The following TBC1D9 variants were observed in gnomAD, a reference collection of about 807,000 sequenced individuals.
The protein encoded by TBC1D9 is TBC1 domain family member 9.
In TBC1D9, 63 loss-of-function variants were observed where a neutral mutation model predicts 132.0. That is an observed-to-expected ratio of 0.48 (90% confidence interval 0.39 to 0.59). TBC1D9 has a LOEUF of 0.59. Among genes scored for constraint, TBC1D9 ranks in the 20% least tolerant of loss-of-function variants. TBC1D9 has a pLI of 0.00. For synonymous variants in TBC1D9, 610 were observed against 609.9 expected, an observed-to-expected ratio of 1.00 and a Z score of 0.00; for missense variants, 1,261 against 1,592.7, an observed-to-expected ratio of 0.79 and a Z score of 3.54.
intron 13 of TBC1D9, among the ~76,000 whole-genome samples, chr4:140,651,970 G>C (rs1737193282): frequency 6.6e-6 from 1 of 152,152 alleles, no homozygotes; most frequent in Non-Finnish European, 1.5e-5. Context: ...TGGGCACGGT[G>C]GCTTAAGCCT....
chr4:140,643,067 G>T, intron 13 of TBC1D9: 1 of 1,312,180 alleles, frequency 7.6e-7, no homozygotes, highest in Non-Finnish European at 1.1e-6. Context: ...TGCGCATCCA[G>T]CTGTACTTAT....
intron 13 of TBC1D9, chr4:140,644,024 C>G (rs1737056911): frequency 2.1e-6 from 1 of 485,548 alleles, no homozygotes; most frequent in South Asian, 1.9e-5. Flanking sequence ...TGGAGGGGGA[C>G]AGGAGGATGA....
chr4:140,644,946 G>C, intron 13 of TBC1D9: 1 of 455,174 alleles, frequency 2.2e-6, no homozygotes, highest in Non-Finnish European at 4.4e-6. Flanking sequence ...CTAGTGCAGA[G>C]ATGGAGGTCC....
At chr4:140,664,717 G>A (rs1737415985) in intron 9 of TBC1D9, among the ~76,000 whole-genome samples, 1 of 152,092 alleles carries the variant, frequency 6.6e-6, no homozygotes, top group African/African-American at 2.4e-5. Flanking sequence ...ATTCACTGGG[G>A]GAAAGAATAG....
intron 1 of TBC1D9, among the ~76,000 whole-genome samples, chr4:140,728,973 T>C (rs1289249550): frequency 2.0e-5 from 3 of 152,198 alleles, no homozygotes; most frequent in African/African-American, 4.8e-5. Flanking sequence ...CGAAATCTAC[T>C]TCTCTGGATG....
At chr4:140,696,263 C>T (rs190147821) in intron 2 of TBC1D9, among the ~76,000 whole-genome samples, 1,669 of 151,928 alleles carry the variant, frequency 0.011, 10 homozygotes, top group Non-Finnish European at 0.017. Flanking sequence ...TCGAGACCAG[C>T]CTGGCCAACA....
At chr4:140,656,998 G>A (rs1306369083) in intron 13 of TBC1D9, 99 bp downstream of exon 13, 2 of 1,381,404 alleles carry the variant, frequency 1.4e-6, no homozygotes, top group East Asian at 2.4e-5. Flanking sequence ...TCTGTTCTTT[G>A]CCCAGTCTGT....
At position 140,622,815 on chromosome 4, in the gene TBC1D9, G is replaced by C; in HGVS notation, c.3181C>G (p.Leu1061Val). 16 of 1,600,814 alleles carry C rather than the reference G, an allele frequency of 1.0e-5. No individual in the cohort carries two copies. Among genetic ancestry groups the C allele is most frequent in the Non-Finnish European group, 1.4e-5 (16 of 1,177,524 alleles). ...AACTTGCCGACCTCCCCAATCTCCAGCAGGAGGCTGGTCACTGCTGCCGTG... is the reference window on the plus strand; with the variant it reads ...AACTTGCCGACCTCCCCAATCTCCACCAGGAGGCTGGTCACTGCTGCCGTG... ...HATAAVTSLL[L>V]EIGEVGKLFV... Residue 1061 changes from leucine (L) to valine (V), a missense_variant, in exon 21 of 21, where the codon CTG becomes GTG. This residue lies in a region of TBC1D9 where 618 missense variants were observed against 724.4 expected (regional missense o/e 0.85). Coordinates refer to ENST00000442267, the MANE Select transcript of TBC1D9 (RefSeq NM_015130.3).
intron 1 of TBC1D9, among the ~76,000 whole-genome samples, chr4:140,721,812 T>C (rs551200467): frequency 6.6e-6 from 1 of 152,306 alleles, no homozygotes; most frequent in East Asian, 1.9e-4. Flanking sequence ...GTGTCTAGAA[T>C]TGTTCTCCTG....
At chr4:140,652,668 C>T (rs1253817179) in intron 13 of TBC1D9, among the ~76,000 whole-genome samples, 3 of 152,244 alleles carry the variant, frequency 2.0e-5, no homozygotes, top group Admixed American at 6.5e-5. Context: ...TCTTAACTTA[C>T]ATTTTCACCT....
chr4:140,701,849 CA>C (rs3832304), intron 1 of TBC1D9, among the ~76,000 whole-genome samples: 51,171 of 152,000 alleles, frequency 0.34, 8,898 homozygotes, highest in East Asian at 0.55. Context: ...GGCTGCCCCA[CA>C]TGTTATTTTC....
intron 15 of TBC1D9, among the ~76,000 whole-genome samples, chr4:140,635,781 G>T (rs1163309010): frequency 2.6e-5 from 4 of 152,188 alleles, no homozygotes; most frequent in Non-Finnish European, 1.5e-5. Flanking sequence ...CTGTGTCAAA[G>T]TTCCGTGGGC....
intron 13 of TBC1D9, among the ~76,000 whole-genome samples, chr4:140,656,316 G>A (rs973971517): frequency 6.6e-6 from 1 of 152,166 alleles, no homozygotes; most frequent in Non-Finnish European, 1.5e-5. Flanking sequence ...CCTAATTAGG[G>A]AAAAGGAGTC....
At chr4:140,642,436 C>T in intron 13 of TBC1D9, 3 of 877,406 alleles carry the variant, frequency 3.4e-6, no homozygotes, top group Non-Finnish European at 5.6e-6. Context: ...GCCCAGCAGG[C>T]TGTCATAAGG....
intron 13 of TBC1D9, among the ~76,000 whole-genome samples, chr4:140,645,837 C>T (rs1250740520): frequency 6.6e-6 from 1 of 152,162 alleles, no homozygotes; most frequent in East Asian, 1.9e-4. Context: ...CTGCTGGCTG[C>T]CCCCTCTGTG....
intron 13 of TBC1D9, among the ~76,000 whole-genome samples, chr4:140,655,696 G>T (rs1235726434): frequency 6.6e-6 from 1 of 152,148 alleles, no homozygotes; most frequent in African/African-American, 2.4e-5. Context: ...TATTAGTTCT[G>T]TTGTGAGATA....
chr4:140,654,384 T>C (rs1156426509), intron 13 of TBC1D9, among the ~76,000 whole-genome samples: 1 of 149,714 alleles, frequency 6.7e-6, no homozygotes, highest in South Asian at 2.1e-4. Flanking sequence ...AGGAAAGGAA[T>C]GTGAGCTGGT....
chr4:140,677,952 C>T (rs1737650268), intron 5 of TBC1D9, among the ~76,000 whole-genome samples: 1 of 152,118 alleles, frequency 6.6e-6, no homozygotes, highest in Non-Finnish European at 1.5e-5. Context: ...TCCACACCTA[C>T]CCTCACCAAA....
intron 11 of TBC1D9, 79 bp downstream of exon 11, chr4:140,659,509 T>G (rs1271660598): frequency 2.1e-6 from 2 of 964,924 alleles, no homozygotes; most frequent in African/African-American, 3.3e-5. Flanking sequence ...TGACCAGAAA[T>G]AGTGTTCTGG....
Sources: allele counts gnomAD v4.1 joint callset (sites outside exome capture counted in the v4.1 genomes callset), GRCh38; gene constraint gnomAD v4.1.1; regional missense constraint gnomAD v4.1.1; transcripts MANE v1.5; gene names NCBI Gene and HGNC (gene_info 2026-07-23, HGNC 2026-07-21).